CNTN5: variants seen among roughly 807,000 people sequenced by gnomAD.
CNTN5 encodes the protein contactin 5.
A neutral mutation model predicts 129.1 loss-of-function variants in CNTN5; 77 were observed. That is an observed-to-expected ratio of 0.60 (90% CI 0.50 to 0.72). CNTN5 has a LOEUF of 0.72. Ranked by LOEUF, CNTN5 falls within the 30% of genes least tolerant of loss-of-function variation. CNTN5 has a pLI of 0.00. For synonymous variants in CNTN5, 509 were observed against 465.6 expected, an observed-to-expected ratio of 1.09 and a Z score of -1.20; for missense variants, 1,478 against 1,328.8, an observed-to-expected ratio of 1.11 and a Z score of -1.75.
At chr11:99,095,178 T>C (rs542625756) in intron 1 of CNTN5, among the ~76,000 whole-genome samples, 1 of 152,000 alleles carries the variant, frequency 6.6e-6, no homozygotes, top group South Asian at 2.1e-4. Context: ...ACCTAAAAAA[T>C]ATTATCAGAT....
intron 2 of CNTN5, among the ~76,000 whole-genome samples, chr11:99,541,946 G>C (rs1948123674): frequency 9.1e-6 from 1 of 109,490 alleles, no homozygotes; most frequent in South Asian, 3.3e-4. Flanking sequence ...GACAGAGGGA[G>C]ATCTTGTCTC....
At chr11:99,050,652 A>G (rs914104132) in intron 1 of CNTN5, among the ~76,000 whole-genome samples, 5 of 151,758 alleles carry the variant, frequency 3.3e-5, no homozygotes, top group Admixed American at 1.3e-4. Flanking sequence ...GTAACCGAAT[A>G]TATTTCTAAG....
intron 1 of CNTN5, among the ~76,000 whole-genome samples, chr11:99,205,931 C>T (rs748870776): frequency 2.8e-4 from 43 of 152,068 alleles, no homozygotes; most frequent in African/African-American, 8.2e-4. Flanking sequence ...TTGATAGTTT[C>T]GCTGGTGATA....
intron 2 of CNTN5, among the ~76,000 whole-genome samples, chr11:99,409,613 G>C (rs1376877626): frequency 6.6e-6 from 1 of 152,218 alleles, no homozygotes; most frequent in Non-Finnish European, 1.5e-5. Flanking sequence ...TTGAGAAGTG[G>C]TGATGATGAA....
intron 1 of CNTN5, among the ~76,000 whole-genome samples, chr11:99,187,815 T>C (rs1858430465): frequency 6.6e-6 from 1 of 151,824 alleles, no homozygotes; most frequent in Non-Finnish European, 1.5e-5. Flanking sequence ...TTAATTTTAT[T>C]TATAATTATG....
intron 13 of CNTN5, among the ~76,000 whole-genome samples, chr11:100,095,503 T>C (rs536160176): frequency 6.6e-6 from 1 of 152,246 alleles, no homozygotes; most frequent in African/African-American, 2.4e-5. Context: ...ATGGGTCATG[T>C]CCATGCCATC....
intron 1 of CNTN5, among the ~76,000 whole-genome samples, chr11:99,237,661 C>T (rs949338928): frequency 6.7e-6 from 1 of 148,996 alleles, no homozygotes; most frequent in Non-Finnish European, 1.5e-5. Flanking sequence ...AGCCTGATGA[C>T]AAAACAAGAC....
intron 18 of CNTN5, among the ~76,000 whole-genome samples, chr11:100,281,069 T>C (rs1460834833): frequency 1.3e-5 from 2 of 152,164 alleles, no homozygotes; most frequent in African/African-American, 4.8e-5. Flanking sequence ...TTGTAGTTAT[T>C]ATTTTTTATT....
chr11:99,052,597 G>A (rs1029247456), intron 1 of CNTN5, among the ~76,000 whole-genome samples: 10 of 151,832 alleles, frequency 6.6e-5, no homozygotes, highest in Non-Finnish European at 1.3e-4. Flanking sequence ...CTATCATTTC[G>A]TGAAACATGA....
intron 3 of CNTN5, among the ~76,000 whole-genome samples, chr11:99,588,334 A>T (rs1303785872): frequency 9.7e-6 from 1 of 103,270 alleles, no homozygotes; most frequent in African/African-American, 3.9e-5. Flanking sequence ...ACAGAGCAAG[A>T]CTCCTTCTCA....
chr11:99,505,248 G>T (rs1435235251), intron 2 of CNTN5, among the ~76,000 whole-genome samples: 1 of 152,108 alleles, frequency 6.6e-6, no homozygotes, highest in East Asian at 1.9e-4. Flanking sequence ...CCAATTTGAT[G>T]TTAACATTTT....
chr11:99,436,119 T>C (rs1943590541), intron 2 of CNTN5, among the ~76,000 whole-genome samples: 1 of 152,130 alleles, frequency 6.6e-6, no homozygotes, highest in Non-Finnish European at 1.5e-5. Flanking sequence ...TAAAAGCAGA[T>C]CATGATCATT....
Position 99,195,841 on chromosome 11 carries a change from A to T in CNTN5, c.-209-129505A>T, listed in dbSNP as rs571413940. On this transcript the variant is annotated intron_variant, in intron 1 of 24. Transcript: ENST00000524871. The stretch of plus-strand genomic sequence containing the variant: ...GTAAGTATGTCTATTTTTAAAACTA[A>T]TTAAGTTTTACAATTTATTTATATT... 3.3e-5 allele frequency among the ~76,000 whole-genome samples: 5 copies of T among 152,160 alleles called. No homozygotes were observed. In the South Asian group the frequency reaches 1.0e-3, roughly 32 times the overall value.
chr11:100,282,306 C>T (rs1338886083), intron 18 of CNTN5, among the ~76,000 whole-genome samples: 1 of 152,138 alleles, frequency 6.6e-6, no homozygotes, highest in Non-Finnish European at 1.5e-5. Flanking sequence ...TAGGGGACAC[C>T]CCAAGCCCAG....
intron 3 of CNTN5, among the ~76,000 whole-genome samples, chr11:99,615,912 T>C (rs1328731329): frequency 1.3e-5 from 2 of 151,934 alleles, no homozygotes; most frequent in African/African-American, 4.8e-5. Flanking sequence ...ATTTTTGTGC[T>C]TTTTGCCGAG....
At chr11:99,130,830 T>C (rs947671840) in intron 1 of CNTN5, among the ~76,000 whole-genome samples, 2 of 151,850 alleles carry the variant, frequency 1.3e-5, no homozygotes, top group African/African-American at 4.8e-5. Flanking sequence ...CACAACTACA[T>C]AGAAATTGAA....
intron 13 of CNTN5, among the ~76,000 whole-genome samples, chr11:100,084,048 A>T (rs893507734): frequency 6.6e-6 from 1 of 152,070 alleles, no homozygotes; most frequent in Admixed American, 6.6e-5. Flanking sequence ...CCAGTTTTTG[A>T]CTTTACATGT....
At chr11:99,994,261 T>G (rs34039684) in intron 8 of CNTN5, among the ~76,000 whole-genome samples, 57,158 of 151,716 alleles carry the variant, frequency 0.38, 12,227 homozygotes, top group African/African-American at 0.59. Context: ...AATAGTGTCA[T>G]TAACTCTTTG....
chr11:99,199,967 A>ACATCAT (rs147514290), intron 1 of CNTN5, among the ~76,000 whole-genome samples: 1,676 of 151,520 alleles, frequency 0.011, 15 homozygotes, highest in South Asian at 0.037. Context: ...ATATCCATCA[A>ACATCAT]CATCATCATC....
Sources: allele counts gnomAD v4.1 joint callset (sites outside exome capture counted in the v4.1 genomes callset), GRCh38; gene constraint gnomAD v4.1.1; transcripts MANE v1.5; gene names NCBI Gene and HGNC (gene_info 2026-07-23, HGNC 2026-07-21).